Variants in SMAP1 observed in about 807,000 individuals in gnomAD.
SMAP1 encodes small ArfGAP 1, also known as stromal membrane-associated protein 1.
A neutral mutation model predicts 58.5 loss-of-function variants in SMAP1; 24 were observed. The ratio of observed to expected loss-of-function variants is 0.41; its 90% CI spans 0.30 to 0.58. The LOEUF (loss-of-function observed/expected upper bound fraction) is 0.58. Ranked by LOEUF, SMAP1 falls within the 20% of genes least tolerant of loss-of-function variation. The pLI is 0.29. For missense variants in SMAP1, 563 were observed against 566.3 expected (o/e 0.99, Z 0.06); for synonymous variants, 216 against 196.6 (o/e 1.10, Z -0.82).
intron 6 of SMAP1, among the ~76,000 whole-genome samples, chr6:70,834,985 C>T (rs1008234226): frequency 7.2e-5 from 11 of 151,924 alleles, no homozygotes; most frequent in African/African-American, 2.4e-4. Context: ...CGCAGTGGCT[C>T]ACGCCTGTAA....
At chr6:70,828,027 A>G (rs183585128) in intron 6 of SMAP1, among the ~76,000 whole-genome samples, 3 of 152,324 alleles carry the variant, frequency 2.0e-5, no homozygotes, top group African/African-American at 7.2e-5. Context: ...ATAAACAAGA[A>G]TTATATGCAA....
chr6:70,838,586 A>G (rs142177041), intron 7 of SMAP1, among the ~76,000 whole-genome samples: 8 of 152,326 alleles, frequency 5.3e-5, no homozygotes, highest in Non-Finnish European at 8.8e-5. Flanking sequence ...GGGTATCTGG[A>G]TCTGTAAGCA....
Position 70,837,015 on chromosome 6 carries a change from T to A in SMAP1, c.651T>A (p.Asp217Glu), listed in dbSNP as rs1770617952. 3 of 1,593,878 alleles carry A rather than the reference T, an allele frequency of 1.9e-6. No homozygotes were observed. The highest frequency in any genetic ancestry group is 3.4e-5 in the Admixed American group (2 of 58,082). ...AAAAAGCTGCGGAGCCCACTGTGGATCTTTTAGGACTTGGTAAGTAATAAA... is the reference window on the plus strand; with the variant it reads ...AAAAAGCTGCGGAGCCCACTGTGGAACTTTTAGGACTTGGTAAGTAATAAA... ...SPKKAAEPTVDLLGLDGPAVA... is the reference protein window; with the variant it reads ...SPKKAAEPTVELLGLDGPAVA... Residue 217 changes from aspartate (D) to glutamate (E), a missense_variant, in exon 7 of 11, where the codon GAT becomes GAA. Asp to Glu is a conservative substitution (Grantham distance 45). Transcript: ENST00000370455.
At chr6:70,727,655 G>T (rs186021470) in intron 1 of SMAP1, among the ~76,000 whole-genome samples, 1 of 152,284 alleles carries the variant, frequency 6.6e-6, no homozygotes, top group East Asian at 1.9e-4. Context: ...GAAAACTCAG[G>T]TTTGATGAAA....
intron 1 of SMAP1, among the ~76,000 whole-genome samples, chr6:70,729,768 T>G (rs1011514102): frequency 2.6e-5 from 4 of 152,144 alleles, no homozygotes; most frequent in African/African-American, 9.7e-5. Context: ...GCTGCCACAT[T>G]TATCAGTCCC....
intron 7 of SMAP1, among the ~76,000 whole-genome samples, chr6:70,848,841 G>T (rs1562201371): frequency 1.3e-5 from 2 of 152,182 alleles, no homozygotes; most frequent in Non-Finnish European, 2.9e-5. Flanking sequence ...GCCAAATGTT[G>T]TAAGTAAAAT....
At chr6:70,797,815 A>G (rs908249907) in intron 5 of SMAP1, among the ~76,000 whole-genome samples, 44 of 151,988 alleles carry the variant, frequency 2.9e-4, no homozygotes, top group African/African-American at 1.1e-3. Flanking sequence ...TTTTGCTGCC[A>G]GGAAACTAAG....
chr6:70,792,769 C>A (rs771147098), intron 5 of SMAP1, among the ~76,000 whole-genome samples: 15 of 151,990 alleles, frequency 9.9e-5, no homozygotes, highest in African/African-American at 2.9e-4. Context: ...CATGAAGGAG[C>A]CTTCTCATGA....
chr6:70,753,946 T>A (rs1247712613), intron 2 of SMAP1, among the ~76,000 whole-genome samples: 1 of 152,090 alleles, frequency 6.6e-6, no homozygotes. Context: ...TAGTGCACTT[T>A]AAAACTCTCA....
intron 1 of SMAP1, among the ~76,000 whole-genome samples, chr6:70,724,759 A>G (rs1768691196): frequency 6.6e-6 from 1 of 152,192 alleles, no homozygotes; most frequent in Non-Finnish European, 1.5e-5. Context: ...CGTGACACAG[A>G]TAACCACAGG....
chr6:70,681,000 G>A (rs899619140), intron 1 of SMAP1, among the ~76,000 whole-genome samples: 1 of 151,928 alleles, frequency 6.6e-6, no homozygotes, highest in African/African-American at 2.4e-5. Flanking sequence ...TTACGGTTGT[G>A]AGCCACTGCG....
intron 3 of SMAP1, among the ~76,000 whole-genome samples, chr6:70,758,954 G>A (rs1312169873): frequency 6.6e-6 from 1 of 152,176 alleles, no homozygotes; most frequent in African/African-American, 2.4e-5. Flanking sequence ...CATATACATG[G>A]AGTTACCCCA....
At chr6:70,792,676 T>C (rs915786484) in intron 5 of SMAP1, among the ~76,000 whole-genome samples, 6 of 152,050 alleles carry the variant, frequency 3.9e-5, no homozygotes, top group Non-Finnish European at 7.4e-5. Context: ...AAAAAACATA[T>C]GGGCAAAGTG....
At chr6:70,820,469 T>C (rs1029635769) in intron 6 of SMAP1, among the ~76,000 whole-genome samples, 20 of 152,324 alleles carry the variant, frequency 1.3e-4, no homozygotes, top group Admixed American at 6.5e-4. Context: ...CCCAGCACTT[T>C]GGGAGGCCGA....
At chr6:70,695,849 G>C (rs1203192979) in intron 1 of SMAP1, among the ~76,000 whole-genome samples, 1 of 152,108 alleles carries the variant, frequency 6.6e-6, no homozygotes, top group Non-Finnish European at 1.5e-5. Flanking sequence ...GAGTAGGATT[G>C]GTATTAGTTC....
chr6:70,837,333 T>C (rs1043629410), intron 7 of SMAP1, among the ~76,000 whole-genome samples: 1 of 152,182 alleles, frequency 6.6e-6, no homozygotes, highest in Non-Finnish European at 1.5e-5. Flanking sequence ...GAGTGGATTA[T>C]TTTCTCTTCT....
chr6:70,843,335 A>G (rs1440208777), intron 7 of SMAP1, among the ~76,000 whole-genome samples: 1 of 152,218 alleles, frequency 6.6e-6, no homozygotes, highest in Non-Finnish European at 1.5e-5. Context: ...TAACCCAAGT[A>G]TTAAATTATC....
intron 1 of SMAP1, among the ~76,000 whole-genome samples, chr6:70,686,861 G>T (rs555400633): frequency 6.6e-6 from 1 of 152,182 alleles, no homozygotes; most frequent in African/African-American, 2.4e-5. Context: ...CTTATCATTT[G>T]AAAGGAACAT....
At chr6:70,791,572 C>A in intron 4 of SMAP1, 117 bp from the exon 5 acceptor site, 1 of 695,526 alleles carries the variant, frequency 1.4e-6, no homozygotes. Context: ...TATTAACATG[C>A]CTCTAAGTGC....
Sources: gnomAD v4.1 joint callset for allele counts (sites outside exome capture counted in the v4.1 genomes callset) on GRCh38, gnomAD v4.1.1 for gene constraint, MANE v1.5 for transcripts, NCBI Gene and HGNC (gene_info 2026-07-23, HGNC 2026-07-21) for gene names.